The following CFAP299 variants were observed in gnomAD, a reference collection of about 807,000 sequenced individuals.
The protein encoded by CFAP299 is cilia and flagella associated protein 299.
A neutral mutation model predicts 27.0 loss-of-function variants in CFAP299; 21 were observed. The observed-to-expected ratio is 0.78, with a 90% confidence interval of 0.55 to 1.12. The LOEUF is 1.12. Among genes scored for constraint, CFAP299 ranks in the 50% most tolerant of loss-of-function variants. The probability of loss-of-function intolerance (pLI) is 0.00; values close to 1 mark genes in which losing one functional copy is unlikely to be tolerated. For synonymous variants in CFAP299, 104 were observed against 98.1 expected (o/e 1.06, Z -0.36); for missense variants, 310 against 276.6 (o/e 1.12, Z -0.86).
intron 5 of CFAP299, among the ~76,000 whole-genome samples, chr4:80,950,188 G>T (rs1366495908): frequency 1.3e-5 from 2 of 152,072 alleles, no homozygotes; most frequent in Admixed American, 6.6e-5. Flanking sequence ...AGACAGTATT[G>T]CTGGATGAGT....
chr4:80,525,033 C>T (rs1733101334), intron 2 of CFAP299, among the ~76,000 whole-genome samples: 1 of 152,102 alleles, frequency 6.6e-6, no homozygotes, highest in African/African-American at 2.4e-5. Flanking sequence ...GTCCTCAGAT[C>T]CTAGAGGCTG....
At chr4:80,445,570 G>A (rs902638703) in intron 2 of CFAP299, among the ~76,000 whole-genome samples, 3 of 152,118 alleles carry the variant, frequency 2.0e-5, no homozygotes, top group African/African-American at 7.2e-5. Context: ...AATACCTAAT[G>A]TAGATGACGG....
chr4:80,418,905 C>A (rs147221889), intron 2 of CFAP299, among the ~76,000 whole-genome samples: 1 of 152,154 alleles, frequency 6.6e-6, no homozygotes, highest in African/African-American at 2.4e-5. Flanking sequence ...TTCATGGACA[C>A]CTAGGTTGAT....
At chr4:80,348,370 A>T (rs775415269) in intron 1 of CFAP299, among the ~76,000 whole-genome samples, 78 of 152,320 alleles carry the variant, frequency 5.1e-4, no homozygotes, top group Non-Finnish European at 9.7e-4. Context: ...ATTGTAGAAA[A>T]TTTTTGCAAT....
At chr4:80,384,860 C>CT (rs1310255179) in intron 2 of CFAP299, among the ~76,000 whole-genome samples, 3 of 151,996 alleles carry the variant, frequency 2.0e-5, no homozygotes, top group Non-Finnish European at 4.4e-5. Flanking sequence ...CTGCTAGGTT[C>CT]TTTTTTAATT....
intron 3 of CFAP299, among the ~76,000 whole-genome samples, chr4:80,797,855 G>A (rs1727960665): frequency 6.6e-6 from 1 of 152,120 alleles, no homozygotes; most frequent in African/African-American, 2.4e-5. Context: ...TAAGCCAAAG[G>A]AGATCAGGCA....
chr4:80,589,366 C>T (rs1180923332), intron 3 of CFAP299, among the ~76,000 whole-genome samples: 2 of 152,116 alleles, frequency 1.3e-5, no homozygotes. Context: ...ATATTACTTC[C>T]ATGTGATTAG....
chr4:80,401,304 C>T (rs2110049739), intron 2 of CFAP299, among the ~76,000 whole-genome samples: 1 of 152,258 alleles, frequency 6.6e-6, no homozygotes, highest in South Asian at 2.1e-4. Context: ...TGCCAGAGAC[C>T]CTCACAGCAG....
chr4:80,823,991 T>C (rs967281211), intron 3 of CFAP299, among the ~76,000 whole-genome samples: 5 of 152,186 alleles, frequency 3.3e-5, no homozygotes, highest in Admixed American at 6.5e-5. Context: ...CCACTTTTAT[T>C]TTCATTCCCA....
intron 3 of CFAP299, among the ~76,000 whole-genome samples, chr4:80,681,259 G>A (rs896055882): frequency 1.3e-5 from 2 of 152,066 alleles, no homozygotes; most frequent in Non-Finnish European, 2.9e-5. Flanking sequence ...TGTGACAGAG[G>A]AAATCTCATT....
At chr4:80,579,348 C>G (rs1578626818) in intron 2 of CFAP299, among the ~76,000 whole-genome samples, 1 of 152,302 alleles carries the variant, frequency 6.6e-6, no homozygotes, top group East Asian at 1.9e-4. Context: ...ATGAACATAA[C>G]TAGCTGCAAA....
chr4:80,553,161 C>A (rs1734610303), intron 2 of CFAP299, among the ~76,000 whole-genome samples: 1 of 152,112 alleles, frequency 6.6e-6, no homozygotes, highest in Non-Finnish European at 1.5e-5. Context: ...CCACCCTCCA[C>A]CCTCAAGTAG....
intron 2 of CFAP299, among the ~76,000 whole-genome samples, chr4:80,420,040 A>C (rs1193309263): frequency 6.6e-6 from 1 of 152,036 alleles, no homozygotes; most frequent in Non-Finnish European, 1.5e-5. Context: ...TTGAGGTTGC[A>C]GAAAGAGTAG....
intron 2 of CFAP299, among the ~76,000 whole-genome samples, chr4:80,519,142 T>A (rs1389874185): frequency 6.6e-6 from 1 of 151,960 alleles, no homozygotes; most frequent in Non-Finnish European, 1.5e-5. Context: ...TAGAAAGCAC[T>A]CTGTTAATAT....
intron 3 of CFAP299, among the ~76,000 whole-genome samples, chr4:80,752,845 C>T (rs1054327657): frequency 6.6e-6 from 1 of 151,720 alleles, no homozygotes; most frequent in Non-Finnish European, 1.5e-5. Context: ...TATGTCATTA[C>T]GTTAATGCCT....
chr4:80,742,396 A>T lies in CFAP299; in HGVS notation c.334-127597A>T, dbSNP rs554608341. On this transcript the variant is annotated intron_variant, in intron 3 of 5. Coordinates refer to ENST00000358105, the MANE Select transcript of CFAP299 (RefSeq NM_152770.3). ...GATTTGCTTATTTGTTGCACAAATA[A>T]TTTTTTAGTTTCTAATAAGTGCCAG... Among the ~76,000 whole-genome samples, 10 of 152,276 alleles carry T rather than the reference A, an allele frequency of 6.6e-5. No homozygotes were observed. The East Asian group carries it at 1.9e-3, about 29-fold the overall frequency.
chr4:80,487,528 C>A (rs745836470), intron 2 of CFAP299, among the ~76,000 whole-genome samples: 1 of 152,120 alleles, frequency 6.6e-6, no homozygotes. Context: ...TAAGTTACTT[C>A]CTTGGAGTCT....
Position 80,774,106 on chromosome 4 carries a change from T to G in CFAP299, c.334-95887T>G, listed in dbSNP as rs545476281. Among the ~76,000 whole-genome samples the G allele has an allele frequency of 4.6e-5, 7 of 152,048 alleles. No individual in the cohort carries two copies. In the South Asian group the frequency reaches 1.4e-3, roughly 31 times the overall value. ...TGAGAGATTTTTAAGATTTTCCCAA[T>G]GTATGAAAAGAAATAATGAAGAAAA... On this transcript the variant is annotated intron_variant, in intron 3 of 5. Coordinates refer to ENST00000358105, the MANE Select transcript of CFAP299 (RefSeq NM_152770.3).
At chr4:80,798,368 TAGGGATAGGGA>T (rs1247283891) in intron 3 of CFAP299, among the ~76,000 whole-genome samples, 4 of 152,112 alleles carry the variant, frequency 2.6e-5, no homozygotes, top group Non-Finnish European at 5.9e-5. Flanking sequence ...TTGCCACTAC[TAGGGATAGGGA>T]AGCTGTTTCT....
Sources: gnomAD v4.1 joint callset for allele counts (sites outside exome capture counted in the v4.1 genomes callset) on GRCh38, gnomAD v4.1.1 for gene constraint, MANE v1.5 for transcripts, NCBI Gene and HGNC (gene_info 2026-07-23, HGNC 2026-07-21) for gene names.